The following MSTO1 variants were observed in gnomAD, a reference collection of about 807,000 sequenced individuals.
MSTO1 encodes protein misato homolog 1.
A neutral mutation model predicts 55.7 loss-of-function variants in MSTO1; 24 were observed. That is an observed-to-expected ratio of 0.43 (90% CI 0.31 to 0.61). MSTO1 has a LOEUF of 0.61. MSTO1 is among the 20% of genes least tolerant of loss of function. The pLI, the probability that MSTO1 is intolerant of heterozygous loss-of-function variation, is 0.09. For synonymous variants in MSTO1, 162 were observed against 252.8 expected, an observed-to-expected ratio of 0.64 and a Z score of 3.41; for missense variants, 363 against 625.7, an observed-to-expected ratio of 0.58 and a Z score of 4.48.
Position 155,612,241 on chromosome 1 carries a change from A to G in MSTO1, c.738A>G (p.Ala246=). 1 of 1,595,274 alleles carries G rather than the reference A, an allele frequency of 6.3e-7. No individual in the cohort carries two copies. Among genetic ancestry groups the G allele is most frequent in the Non-Finnish European group, 8.5e-7 (1 of 1,170,882 alleles). ...DGFSGVGAKA[A]ELLQDEYSGR... is the part of the protein sequence containing the mutation. ...TCTCTGGGGTAGGCGCGAAGGCGGC[A>G]GAGCTGCTACAAGATGAATATTCAG... Residue 246 remains alanine (A), a synonymous_variant, in exon 8 of 14, where the codon GCA becomes GCG. Transcript: ENST00000245564.
the MSTO1 span, chr1:155,565,970 T>C: frequency 6.6e-6 from 1 of 152,174 alleles, no homozygotes; most frequent in Non-Finnish European, 1.5e-5. Flanking sequence ...GCAGAGGGAA[T>C]TAAGGTTGCT....
chr1:155,567,107 G>A, the MSTO1 span, among the ~76,000 whole-genome samples: 1 of 151,758 alleles, frequency 6.6e-6, no homozygotes, highest in African/African-American at 2.4e-5. Context: ...TATGGTAAAT[G>A]CTATGTAATC....
At chr1:155,592,706 A>G in the MSTO1 span, among the ~76,000 whole-genome samples, 1 of 151,984 alleles carries the variant, frequency 6.6e-6, no homozygotes, top group East Asian at 1.9e-4. Context: ...GGCGCCTGCC[A>G]CCATGCCCCG....
chr1:155,608,251 A>T (rs35202981), upstream of MSTO1, among the ~76,000 whole-genome samples: 2 of 152,074 alleles, frequency 1.3e-5, no homozygotes, highest in African/African-American at 4.8e-5. Context: ...GCAGCCTCTA[A>T]TTCCTGCGCT....
chr1:155,609,493 C>T (rs1030783480), upstream of MSTO1, among the ~76,000 whole-genome samples: 1 of 151,730 alleles, frequency 6.6e-6, no homozygotes, highest in Admixed American at 6.6e-5. Context: ...CGTGATCTGC[C>T]CGCCTCAGCC....
chr1:155,581,568 C>T, the MSTO1 span, among the ~76,000 whole-genome samples: 2 of 151,922 alleles, frequency 1.3e-5, no homozygotes, highest in East Asian at 3.9e-4. Context: ...TGTCCCACCT[C>T]GCCCATCTAA....
the MSTO1 span, chr1:155,563,801 A>T: frequency 8.6e-6 from 3 of 349,618 alleles, no homozygotes; most frequent in East Asian, 2.3e-4. Flanking sequence ...TAATATATGT[A>T]AAGTGGAATT....
At chr1:155,576,890 T>G in the MSTO1 span, among the ~76,000 whole-genome samples, 2 of 146,670 alleles carry the variant, frequency 1.4e-5, no homozygotes, top group African/African-American at 5.0e-5. Context: ...TGGCAGGCGC[T>G]TGTAATCCCA....
chr1:155,568,588 G>A, the MSTO1 span, among the ~76,000 whole-genome samples: 8 of 150,898 alleles, frequency 5.3e-5, no homozygotes, highest in South Asian at 2.1e-4. Flanking sequence ...ACAGATGCTC[G>A]CCACCACACC....
chr1:155,568,857 C>CTT, the MSTO1 span, among the ~76,000 whole-genome samples: 18 of 64,730 alleles, frequency 2.8e-4, no homozygotes, highest in African/African-American at 7.0e-4. Context: ...TTTTCTTTTT[C>CTT]TTTTTTTTTT....
the MSTO1 span, among the ~76,000 whole-genome samples, chr1:155,567,513 C>T: frequency 5.3e-5 from 8 of 151,400 alleles, no homozygotes; most frequent in Non-Finnish European, 7.4e-5. Flanking sequence ...GGGGTTTCAC[C>T]GTGGTCTCGA....
At chr1:155,612,801 T>G in intron 9 of MSTO1, 43 bp from the exon 10 acceptor site, 1 of 1,610,262 alleles carries the variant, frequency 6.2e-7, no homozygotes, top group East Asian at 2.2e-5. Context: ...CACATTCTTT[T>G]CCAGGCCTGA....
chr1:155,609,431 G>C (rs1673365010), upstream of MSTO1, among the ~76,000 whole-genome samples: 1 of 150,324 alleles, frequency 6.7e-6, no homozygotes, highest in Admixed American at 6.6e-5. Flanking sequence ...TGTATTTTTA[G>C]TAGAGATGGG....
chr1:155,592,115 A>G, the MSTO1 span, among the ~76,000 whole-genome samples: 4 of 152,318 alleles, frequency 2.6e-5, no homozygotes, highest in Middle Eastern at 6.8e-3. Flanking sequence ...TCAGATTGCT[A>G]TGCTGAAGTA....
the MSTO1 span, among the ~76,000 whole-genome samples, chr1:155,567,156 C>T: frequency 6.6e-6 from 1 of 151,308 alleles, no homozygotes; most frequent in African/African-American, 2.4e-5. Context: ...CAGAGTCTTG[C>T]TCTGTCACCC....
chr1:155,598,075 C>G, the MSTO1 span, among the ~76,000 whole-genome samples: 1 of 152,120 alleles, frequency 6.6e-6, no homozygotes, highest in East Asian at 1.9e-4. Flanking sequence ...ATCTCAGCCT[C>G]CCAAAGCACT....
the MSTO1 span, among the ~76,000 whole-genome samples, chr1:155,574,875 T>TC: frequency 2.8e-4 from 42 of 150,280 alleles, no homozygotes; most frequent in African/African-American, 1.0e-3. Context: ...TTTTTCTTTT[T>TC]TTTTTTTTTT....
At position 155,611,738 on chromosome 1, in the gene MSTO1, A is replaced by G; in HGVS notation, c.471A>G (p.Thr157=). 1 of 762,328 alleles carries G rather than the reference A, an allele frequency of 1.3e-6. No individual in the cohort carries two copies. The highest frequency in any genetic ancestry group is 1.7e-5 in the South Asian group (1 of 58,722). 47.2% of individuals were successfully genotyped at this position (762,328 alleles called of 1,614,324 possible). Reference sequence around the variant, plus strand: ...CAACTCCAAAACCACTTATCCCTACAGAGGCCAGCATCAGGGTCTGGTCAG... The same window carrying G: ...CAACTCCAAAACCACTTATCCCTACGGAGGCCAGCATCAGGGTCTGGTCAG... ...TATTPKPLIP[T]EASIRVWSDF... The change falls in exon 6 of 14, where the codon ACA becomes ACG. Residue 157 remains threonine, a synonymous_variant. Coordinates refer to ENST00000245564, the MANE Select transcript of MSTO1 (RefSeq NM_018116.4).
upstream of MSTO1, among the ~76,000 whole-genome samples, chr1:155,609,243 A>ATATTTTTTTTTTTT (rs59756178): frequency 1.1e-4 from 6 of 54,588 alleles, no homozygotes; most frequent in Non-Finnish European, 1.8e-4. Context: ...ATATATATAT[A>ATATTTTTTTTTTTT]TTTTTTTTTT....
Sources: gnomAD v4.1 joint callset for allele counts (sites outside exome capture counted in the v4.1 genomes callset) on GRCh38, gnomAD v4.1.1 for gene constraint, MANE v1.5 for transcripts, NCBI Gene and HGNC (gene_info 2026-07-23, HGNC 2026-07-21) for gene names.